CHL1: variants seen among roughly 807,000 people sequenced by gnomAD.
CHL1 encodes the protein cell adhesion molecule L1 like.
A neutral mutation model predicts 141.9 loss-of-function variants in CHL1; 96 were observed. The ratio of observed to expected loss-of-function variants is 0.68; its 90% CI spans 0.57 to 0.80. The LOEUF (loss-of-function observed/expected upper bound fraction) is 0.80. CHL1 is among the 30% of genes least tolerant of loss of function. The pLI is 0.00. For synonymous variants in CHL1, 613 were observed against 502.2 expected, an observed-to-expected ratio of 1.22 and a Z score of -2.95; for missense variants, 1,820 against 1,457.2, an observed-to-expected ratio of 1.25 and a Z score of -4.05.
At chr3:354,531 C>A in intron 10 of CHL1, 109 bp from the exon 11 acceptor site, 1 of 1,266,338 alleles carries the variant, frequency 7.9e-7, no homozygotes, top group Non-Finnish European at 1.1e-6. Context: ...CTATGAAACC[C>A]TTTGTGGTGT....
At chr3:289,758 A>G (rs1185694089) in intron 2 of CHL1, among the ~76,000 whole-genome samples, 1 of 151,678 alleles carries the variant, frequency 6.6e-6, no homozygotes, top group Non-Finnish European at 1.5e-5. Flanking sequence ...ATGCTCATTA[A>G]TACATTTATT....
Position 349,478 on chromosome 3 carries a change from A to G in CHL1, c.968A>G (p.Asn323Ser). ...IENVSYQDKG[N>S]YRCTASNFLG... ...AATGTCTCCTACCAGGACAAAGGAA[A>G]TTATCGCTGCACAGCCAGCAATTTC... The change falls in exon 10 of 28, where the codon AAT becomes AGT. Residue 323 changes from asparagine (N) to serine (S), a missense_variant. Transcript: ENST00000256509. The G allele has an allele frequency of 6.2e-7, 1 of 1,614,086 alleles. No homozygotes were observed. The highest frequency in any genetic ancestry group is 8.5e-7 in the Non-Finnish European group (1 of 1,179,936).
chr3:277,351 A>G (rs996230534), intron 2 of CHL1, among the ~76,000 whole-genome samples: 1 of 152,348 alleles, frequency 6.6e-6, no homozygotes, highest in Non-Finnish European at 1.5e-5. Context: ...AGCAAAATAA[A>G]GAGCCAGGAA....
At chr3:346,220 A>T (rs2125175658) in intron 9 of CHL1, among the ~76,000 whole-genome samples, 1 of 152,326 alleles carries the variant, frequency 6.6e-6, no homozygotes, top group Non-Finnish European at 1.5e-5. Flanking sequence ...AAAAATATCA[A>T]AGTTGCTTGT....
chr3:250,926 T>C (rs1415322405), intron 2 of CHL1, among the ~76,000 whole-genome samples: 4 of 152,158 alleles, frequency 2.6e-5, no homozygotes, highest in Non-Finnish European at 5.9e-5. Context: ...ATTGTTTTTG[T>C]GTGGCTGTTA....
In CHL1 at chr3:198,559, G is replaced by T. The variant is rs79399928; in HGVS notation, c.-175+1496G>T. On this transcript the variant is annotated intron_variant, in intron 1 of 27. Transcript: ENST00000256509. ...AGTTTCCCTTTCTCAATAATACGGA[G>T]ATTATCGATACCCTCTATACTGGGT... is the stretch of plus-strand genomic sequence containing the variant. 1.7e-3 allele frequency among the ~76,000 whole-genome samples: 266 copies of T among 152,290 alleles called. 2 individuals are homozygous for T. Among genetic ancestry groups the T allele is most frequent in the African/African-American group, 6.2e-3 (257 of 41,554 alleles).
chr3:221,477 C>G (rs947693926), intron 1 of CHL1, among the ~76,000 whole-genome samples: 1 of 152,218 alleles, frequency 6.6e-6, no homozygotes, highest in Non-Finnish European at 1.5e-5. Context: ...AGACCCTACA[C>G]TTATTCAAAG....
chr3:330,199 A>C (rs1047321140), intron 5 of CHL1, among the ~76,000 whole-genome samples: 3 of 152,156 alleles, frequency 2.0e-5, no homozygotes, highest in South Asian at 4.1e-4. Context: ...TAAAAAACTT[A>C]TATCTTTGAA....
intron 2 of CHL1, among the ~76,000 whole-genome samples, chr3:277,848 C>G (rs572104572): frequency 6.6e-6 from 1 of 152,146 alleles, no homozygotes; most frequent in African/African-American, 2.4e-5. Flanking sequence ...TTACATGATG[C>G]AAATATTTTG....
chr3:286,148 T>C (rs372164842), intron 2 of CHL1, among the ~76,000 whole-genome samples: 2 of 152,280 alleles, frequency 1.3e-5, no homozygotes, highest in South Asian at 4.1e-4. Context: ...CTGCCCACCC[T>C]ACCCCAGATA....
intron 16 of CHL1, among the ~76,000 whole-genome samples, chr3:378,491 A>T (rs1706625168): frequency 1.3e-5 from 2 of 152,216 alleles, no homozygotes; most frequent in Non-Finnish European, 2.9e-5. Context: ...CTTCACTAGT[A>T]TAATCAATGC....
rs529058504 is a variant in CHL1 at position 261,973 on chromosome 3, C to A, written c.-95+17281C>A. Among the ~76,000 whole-genome samples, 23 of 144,220 alleles carry A rather than the reference C, an allele frequency of 1.6e-4. No homozygotes were observed. The South Asian group carries it at 4.5e-3, about 28-fold the overall frequency. 94.6% of individuals were successfully genotyped at this position (144,220 alleles called of 152,430 possible). A position where few individuals can be genotyped will look rare whatever the true frequency, so the allele number is the denominator to read the frequency against. On this transcript the variant is annotated intron_variant, in intron 2 of 27. Transcript: ENST00000256509. ...CAGGGCAGGATTCACACGTTTAAGC[C>A]TAGATCTACACAGTACTCACAGGGC...
chr3:348,217 C>T (rs1702931858), intron 9 of CHL1, among the ~76,000 whole-genome samples: 1 of 152,136 alleles, frequency 6.6e-6, no homozygotes, highest in South Asian at 2.1e-4. Context: ...TGGGGTATAT[C>T]ATTTATTGCT....
chr3:343,178 C>CAT (rs1414674791), intron 8 of CHL1, 147 bp downstream of exon 8: 3 of 549,624 alleles, frequency 5.5e-6, no homozygotes, highest in Admixed American at 7.5e-5. Flanking sequence ...TATTGCCCCC[C>CAT]ATGCCCTCTT....
chr3:349,530 C>T lies in CHL1; in HGVS notation c.1020C>T (p.His340=), dbSNP rs754600608. ...NFLGTATHDF[H]VIVEEPPRWT... is the part of the protein sequence containing the mutation. ...TGGGAACAGCCACTCACGATTTTCACGTTATAGTAGAAGGTACCTTTCCCA... is the reference window on the plus strand; with the variant it reads ...TGGGAACAGCCACTCACGATTTTCATGTTATAGTAGAAGGTACCTTTCCCA... The change falls in exon 10 of 28, where the codon CAC becomes CAT. Residue 340 remains histidine, a synonymous_variant. Transcript: ENST00000256509. The T allele has an allele frequency of 1.3e-5, 21 of 1,613,018 alleles. No individual in the cohort carries two copies. The highest frequency in any genetic ancestry group is 2.2e-5 in the East Asian group (1 of 44,858).
intron 2 of CHL1, among the ~76,000 whole-genome samples, chr3:252,386 ATATATATATATAT>A (rs1268706683): frequency 7.5e-6 from 1 of 133,534 alleles, no homozygotes; most frequent in Non-Finnish European, 1.6e-5. Context: ...ATATATATAT[ATATATATATATAT>A]ATTTCTATTT....
chr3:337,720 A>T (rs1043018878), intron 5 of CHL1, among the ~76,000 whole-genome samples: 2 of 152,264 alleles, frequency 1.3e-5, no homozygotes, highest in South Asian at 2.1e-4. Context: ...GCTTCATAGT[A>T]TTCCATGGTG....
intron 1 of CHL1, among the ~76,000 whole-genome samples, chr3:232,109 C>T (rs1368802778): frequency 1.3e-5 from 2 of 151,696 alleles, no homozygotes; most frequent in Non-Finnish European, 2.9e-5. Context: ...GCTTGGAATT[C>T]GTATATTCAT....
intron 1 of CHL1, among the ~76,000 whole-genome samples, chr3:222,049 A>G (rs966673631): frequency 5.3e-5 from 8 of 152,256 alleles, no homozygotes; most frequent in African/African-American, 1.9e-4. Context: ...AAAGAAGTAC[A>G]AAATATTGGT....
Sources: allele counts gnomAD v4.1 joint callset (sites outside exome capture counted in the v4.1 genomes callset), GRCh38; gene constraint gnomAD v4.1.1; transcripts MANE v1.5; gene names NCBI Gene and HGNC (gene_info 2026-07-23, HGNC 2026-07-21).